Variants in HEXD observed in about 807,000 individuals in gnomAD.
HEXD encodes hexosaminidase D, also known as N-acetyl-beta-galactosaminidase.
In HEXD, 47 loss-of-function variants were observed where a neutral mutation model predicts 54.2. The ratio of observed to expected loss-of-function variants is 0.87; its 90% CI spans 0.69 to 1.11. HEXD has a LOEUF of 1.11. Ranked by LOEUF, HEXD falls within the 50% of genes least tolerant of loss-of-function variation. The probability of loss-of-function intolerance (pLI) is 0.00; values close to 1 mark genes in which losing one functional copy is unlikely to be tolerated. For missense variants in HEXD, 576 were observed against 649.2 expected (o/e 0.89, Z 1.23); for synonymous variants, 293 against 287.6 (o/e 1.02, Z -0.19).
At chr17:82,432,911 C>A in intron 4 of HEXD, among the ~76,000 whole-genome samples, 1 of 146,196 alleles carries the variant, frequency 6.8e-6, no homozygotes, top group Non-Finnish European at 1.5e-5. Flanking sequence ...AAACAAAATA[C>A]AAAAATTAGC....
Position 82,433,109 on chromosome 17 carries a change from T to A in HEXD, c.283-549T>A, listed in dbSNP as rs1377481993. On this transcript the variant is annotated intron_variant, in intron 4 of 12. Transcript: ENST00000327949. Reference sequence around the variant, plus strand: ...AAAAAAAAATATATATATATATATATATATATATATATATATATATTTTTT... The same window carrying A: ...AAAAAAAAATATATATATATATATAAATATATATATATATATATATTTTTT... Among the ~76,000 whole-genome samples, 50 of 12,578 alleles carry A rather than the reference T, an allele frequency of 4.0e-3. 2 individuals are homozygous for A. Among genetic ancestry groups the A allele is most frequent in the African/African-American group, 8.2e-3 (9 of 1,104 alleles). The allele number at this position is 12,578 out of a possible 152,430, so 8.3% of individuals were successfully genotyped here.
intron 4 of HEXD, among the ~76,000 whole-genome samples, chr17:82,429,983 A>G (rs1376810415): frequency 1.3e-5 from 2 of 152,126 alleles, no homozygotes; most frequent in Admixed American, 6.6e-5. Context: ...TGTGCAAACC[A>G]GAAGCAGACC....
chr17:82,433,128 A>ATTTTTTTTT (rs758489285), intron 4 of HEXD, among the ~76,000 whole-genome samples: 6 of 13,064 alleles, frequency 4.6e-4, no homozygotes, highest in African/African-American at 1.1e-3. Context: ...ATATATATAT[A>ATTTTTTTTT]TTTTTTTTTT....
At chr17:82,436,598 C>G (rs888841514) in intron 6 of HEXD, 69 bp from the exon 7 acceptor site, 37 of 1,309,490 alleles carry the variant, frequency 2.8e-5, no homozygotes, top group Non-Finnish European at 3.8e-5. Context: ...AAAACGAGAA[C>G]AGGTGGGTCC....
chr17:82,441,353 A>C, intron 11 of HEXD, 87 bp downstream of exon 11: 1 of 1,203,946 alleles, frequency 8.3e-7, no homozygotes, highest in African/African-American at 1.9e-5. Flanking sequence ...GGTGGGAGGC[A>C]GGTGCGGGTG....
In HEXD at chr17:82,439,661, G is replaced by A; in HGVS notation, c.930G>A (p.Leu310=). Residue 310 remains leucine, a synonymous_variant, in exon 9 of 13, where the codon CTG becomes CTA. Coordinates refer to ENST00000327949, the MANE Select transcript of HEXD (RefSeq NM_001330542.2). ...RYDHYSVLCE[L]LPAGVPSLAA... The stretch of plus-strand genomic sequence containing the variant: ...ACCACTACTCTGTGCTGTGCGAGCT[G>A]CTGCCCGCAGGAGTCCCGTCCCTGG... The A allele has an allele frequency of 6.3e-7, 1 of 1,594,776 alleles. No individual in the cohort carries two copies. Among genetic ancestry groups the A allele is most frequent in the African/African-American group, 1.3e-5 (1 of 74,966 alleles).
chr17:82,441,632 C>G lies in HEXD; in HGVS notation c.1164-168C>G, dbSNP rs139647015. Among the ~76,000 whole-genome samples the G allele has an allele frequency of 3.8e-4, 58 of 152,166 alleles. No individual in the cohort carries two copies. In the East Asian group the frequency reaches 0.011, roughly 28 times the overall value. On this transcript the variant is annotated intron_variant, in intron 11 of 12. Transcript: ENST00000327949. ...GTGAGGGGCAGGTTCACAAGTCCCC[C>G]CACTCCCAGGCACAGGAGGAGGCAG...
chr17:82,441,736 C>A, intron 11 of HEXD, 64 bp from the exon 12 acceptor site: 1 of 1,259,626 alleles, frequency 7.9e-7, no homozygotes, highest in Non-Finnish European at 1.2e-6. Context: ...TTCTGTATTA[C>A]TGCAAAGCCG....
At chr17:82,424,815 G>T (rs2053349634) in intron 3 of HEXD, among the ~76,000 whole-genome samples, 1 of 152,246 alleles carries the variant, frequency 6.6e-6, no homozygotes, top group South Asian at 2.1e-4. Flanking sequence ...GATGGGAGAA[G>T]GCTGGACTAC....
chr17:82,425,151 G>A (rs2053370463), intron 3 of HEXD, among the ~76,000 whole-genome samples: 1 of 148,314 alleles, frequency 6.7e-6, no homozygotes, highest in Non-Finnish European at 1.5e-5. Flanking sequence ...GAAGGCTGGA[G>A]GAGGCTAGAG....
At position 82,439,951 on chromosome 17, in the gene HEXD, C is replaced by T. The variant is rs116022885; in HGVS notation, c.982+238C>T. The T allele has an allele frequency of 2.2e-3, 3,260 of 1,501,584 alleles. 55 individuals carry two copies. In the African/African-American group the frequency reaches 0.041, roughly 19 times the overall value. The allele number at this position is 1,501,584 out of a possible 1,614,324, so 93.0% of individuals were successfully genotyped here. A position where few individuals can be genotyped will look rare whatever the true frequency, so the allele number is the denominator to read the frequency against. On this transcript the variant is annotated intron_variant, in intron 9 of 12. Transcript: ENST00000327949. ...GCAGGCTGGAGAGTGACGCGGGAGG[C>T]ACCCCTCAGACACAGTGAATCCGCA... is the stretch of plus-strand genomic sequence containing the variant.
chr17:82,436,553 G>A, intron 6 of HEXD, 114 bp from the exon 7 acceptor site: 3 of 814,740 alleles, frequency 3.7e-6, no homozygotes, highest in Non-Finnish European at 5.8e-6. Flanking sequence ...TGCCAAGTCT[G>A]TCTTAAAAAG....
chr17:82,442,025 C>T lies in HEXD; in HGVS notation c.1253+136C>T. The T allele has an allele frequency of 4.7e-6, 6 of 1,280,298 alleles. No homozygotes were observed. The highest frequency in any genetic ancestry group is 6.6e-6 in the Non-Finnish European group (6 of 907,078). 79.3% of individuals were successfully genotyped at this position (1,280,298 alleles called of 1,614,324 possible). On this transcript the variant is annotated intron_variant, in intron 12 of 12. Transcript: ENST00000327949. The surrounding 1 kb of genome is among the most constrained non-coding windows in gnomAD (Gnocchi z 6.8). ...AGGCCCTCTGGTCTCAGATGTGCAG[C>T]TGTCACCGACTTGTTCCTCCCGACA...
In HEXD at chr17:82,437,173, C is replaced by G; in HGVS notation, c.709C>G (p.Leu237Val). ...CTGTTTGCTTTCTCACCCAGTCCTC[C>G]TCATGCAGAAGTACCGGCGGTGCGG... ...ADLDVHGKVL[L>V]MQKYRRCGFP... The change falls in exon 8 of 13, where the codon CTC (leucine) becomes GTC (valine). Residue 237 changes from leucine to valine, a missense_variant. Transcript: ENST00000327949. 6.3e-7 allele frequency: 1 copy of G among 1,585,476 alleles called. No individual in the cohort carries two copies. The highest frequency in any genetic ancestry group is 8.6e-7 in the Non-Finnish European group (1 of 1,161,744).
intron 11 of HEXD, among the ~76,000 whole-genome samples, 161 bp downstream of exon 11, chr17:82,441,427 G>C (rs1474870189): frequency 6.9e-6 from 1 of 145,328 alleles, no homozygotes; most frequent in Admixed American, 6.7e-5. Context: ...GGTGTGGGTG[G>C]GAGGCAGGTG....
intron 4 of HEXD, among the ~76,000 whole-genome samples, chr17:82,431,082 T>C (rs1395102316): frequency 2.6e-5 from 4 of 151,948 alleles, no homozygotes; most frequent in Non-Finnish European, 5.9e-5. Context: ...ACTGCAGCCC[T>C]GAGCTTCTGG....
Position 82,442,045 on chromosome 17 carries a change from C to A in HEXD, c.1254-132C>A. The A allele has an allele frequency of 7.5e-7, 1 of 1,331,822 alleles. No individual in the cohort carries two copies. Among genetic ancestry groups the A allele is most frequent in the Middle Eastern group, 2.6e-4 (1 of 3,848 alleles). The allele number at this position is 1,331,822 out of a possible 1,614,324, so 82.5% of individuals were successfully genotyped here. ...TGCAGCTGTCACCGACTTGTTCCTC[C>A]CGACATGCCGATGAGGTAGGGTCAG... On this transcript the variant is annotated intron_variant, in intron 12 of 12. Coordinates refer to ENST00000327949, the MANE Select transcript of HEXD (RefSeq NM_001330542.2). The surrounding 1 kb of genome is among the most constrained non-coding windows in gnomAD (Gnocchi z 6.8).
At chr17:82,433,093 T>A (rs1342268116) in intron 4 of HEXD, among the ~76,000 whole-genome samples, 3,517 of 13,668 alleles carry the variant, frequency 0.26, 827 homozygotes, top group East Asian at 0.7. Context: ...AAAAAAAAAA[T>A]ATATATATAT....
At position 82,441,853 on chromosome 17, in the gene HEXD, C is replaced by G. The variant is rs765032022; in HGVS notation, c.1217C>G (p.Pro406Arg). The G allele has an allele frequency of 1.9e-6, 3 of 1,613,306 alleles. No homozygotes were observed. The highest frequency in any genetic ancestry group is 1.7e-5 in the Admixed American group (1 of 60,026). ...PYHRQRKLIH[P>R]VMVQHIQPAA... ...CACCGCCAGCGGAAGCTCATCCACC[C>G]GGTCATGGTTCAGCACATCCAGCCC... is the stretch of plus-strand genomic sequence containing the variant. Residue 406 changes from proline to arginine, a missense_variant, in exon 12 of 13, where the codon CCG (proline) becomes CGG (arginine). By Grantham distance (103) the Pro-to-Arg change is moderately radical. Transcript: ENST00000327949.
Sources: gnomAD v4.1 joint callset for allele counts (sites outside exome capture counted in the v4.1 genomes callset) on GRCh38, gnomAD v4.1.1 for gene constraint, Gnocchi (gnomAD v3.1) non-coding constraint, MANE v1.5 for transcripts, NCBI Gene and HGNC (gene_info 2026-07-23, HGNC 2026-07-21) for gene names.